The following USP42 variants were observed in gnomAD, a reference collection of about 807,000 sequenced individuals.
The protein encoded by USP42 is ubiquitin specific peptidase 42.
USP42 carries 23 observed loss-of-function variants against 113.0 expected under a neutral mutation model. The observed-to-expected ratio is 0.20, with a 90% confidence interval of 0.15 to 0.29. The LOEUF (loss-of-function observed/expected upper bound fraction) is 0.29, where lower values mean the gene tolerates loss of function less well. USP42 is among the 10% of genes least tolerant of loss of function. USP42 has a pLI of 1.00. For missense variants in USP42, 2,174 were observed against 1,779.8 expected, an observed-to-expected ratio of 1.22 and a Z score of -3.99; for synonymous variants, 933 against 699.0, an observed-to-expected ratio of 1.33 and a Z score of -5.28.
intron 7 of USP42, 75 bp from the exon 8 acceptor site, chr7:6,142,857 C>A (rs1035332529): frequency 2.1e-6 from 3 of 1,455,472 alleles, no homozygotes; most frequent in Admixed American, 1.7e-5. Flanking sequence ...GCACTCCAGC[C>A]TGGGTGGCAG....
intron 1 of USP42, among the ~76,000 whole-genome samples, chr7:6,107,216 T>G (rs1477135486): frequency 1.3e-5 from 2 of 152,168 alleles, no homozygotes; most frequent in Non-Finnish European, 1.5e-5. Flanking sequence ...CTTAAGAGGC[T>G]TTTGTCCCTT....
chr7:6,123,132 G>A (rs1313122919), intron 3 of USP42, among the ~76,000 whole-genome samples: 1 of 152,016 alleles, frequency 6.6e-6, no homozygotes, highest in African/African-American at 2.4e-5. Context: ...GGCCTGTTAT[G>A]CCCTCTTGAT....
chr7:6,116,087 G>T lies in USP42; in HGVS notation c.442+564G>T, dbSNP rs925362136. ...CTGCTGTACTTCAGCCTAGACAACA[G>T]AAAGAGACCCTGTCTCAAAAAAAAA... On this transcript the variant is annotated intron_variant, in intron 3 of 17. Transcript: ENST00000306177. Among the ~76,000 whole-genome samples the T allele has an allele frequency of 2.4e-4, 31 of 130,304 alleles. 1 individual carries two copies. Among genetic ancestry groups the T allele is most frequent in the Non-Finnish European group, 6.3e-5 (4 of 63,584 alleles). The allele number at this position is 130,304 out of a possible 152,430, so 85.5% of individuals were successfully genotyped here.
Position 6,154,421 on chromosome 7 carries a change from G to A in USP42, c.2867G>A (p.Arg956Gln), listed in dbSNP as rs1470592400. 13 of 1,575,544 alleles carry A rather than the reference G, an allele frequency of 8.3e-6. No individual in the cohort carries two copies. Among genetic ancestry groups the A allele is most frequent in the Non-Finnish European group, 1.0e-5 (12 of 1,162,338 alleles). ...GTGGACCGAGGCCACTACCGCAGCCGGAGAGAGCGCTCGTCCAGCGGGGAG... is the reference window on the plus strand; with the variant it reads ...GTGGACCGAGGCCACTACCGCAGCCAGAGAGAGCGCTCGTCCAGCGGGGAG... The part of the protein sequence containing the change: ...RKVDRGHYRS[R>Q]RERSSSGEPA... Residue 956 changes from arginine to glutamine, a missense_variant, in exon 15 of 18, where the codon CGG becomes CAG. Physicochemically the swap from Arg to Gln is conservative, Grantham distance 43. Transcript: ENST00000306177.
At chr7:6,104,097 C>T (rs535288055), upstream of USP42, among the ~76,000 whole-genome samples, 2 of 151,240 alleles carry the variant, frequency 1.3e-5, no homozygotes, top group Non-Finnish European at 2.9e-5. Flanking sequence ...TTTTTTGAGA[C>T]AGACTCTCGC....
intron 3 of USP42, among the ~76,000 whole-genome samples, chr7:6,122,279 GTT>G (rs55777900): frequency 3.1e-4 from 42 of 133,460 alleles, no homozygotes; most frequent in Non-Finnish European, 3.7e-4. Flanking sequence ...TCATGTGTCA[GTT>G]TTTTTTTTTT....
At chr7:6,148,256 G>A (rs1269987335) in intron 12 of USP42, among the ~76,000 whole-genome samples, 1 of 152,118 alleles carries the variant, frequency 6.6e-6, no homozygotes, top group Admixed American at 6.5e-5. Flanking sequence ...AGGATCACTT[G>A]AGCCCAGGAG....
At chr7:6,127,898 A>G (rs1378823945) in intron 3 of USP42, among the ~76,000 whole-genome samples, 1 of 152,100 alleles carries the variant, frequency 6.6e-6, no homozygotes, top group Non-Finnish European at 1.5e-5. Context: ...TTATTAATGT[A>G]ACCATTCCTG....
chr7:6,105,522 C>T lies in USP42; in HGVS notation c.-10+490C>T, dbSNP rs1463659701. Among the ~76,000 whole-genome samples, 8 of 150,178 alleles carry T rather than the reference C, an allele frequency of 5.3e-5. No homozygotes were observed. In the East Asian group the frequency reaches 1.6e-3, roughly 30 times the overall value. ...CCCGCCCCGGAGCCCCCTCAGAGCC[C>T]CGGGCCGGCCTCCCCGCCCCCACTG... On this transcript the variant is annotated intron_variant, in intron 1 of 17. Transcript: ENST00000306177.
the USP42 span, among the ~76,000 whole-genome samples, chr7:6,083,710 C>A: frequency 6.6e-6 from 1 of 150,652 alleles, no homozygotes; most frequent in Admixed American, 6.6e-5. Context: ...ACAGGAAATA[C>A]ATAGTATTAT....
rs1004188483 is a variant in USP42, at chr7:6,158,623, G to A, written c.3944-827G>A. On this transcript the variant is annotated intron_variant, in intron 16 of 17. Transcript: ENST00000306177. The surrounding 1 kb of genome is among the most constrained non-coding windows in gnomAD (Gnocchi z 4.2). ...CCATGGAGTGCTGGGGAAACAGCCG[G>A]AGATGAGGACAGGCACCAGCACTGC... Among the ~76,000 whole-genome samples the A allele has an allele frequency of 3.3e-5, 5 of 152,244 alleles. No individual in the cohort carries two copies. Among genetic ancestry groups the A allele is most frequent in the African/African-American group, 1.2e-4 (5 of 41,476 alleles).
At chr7:6,118,373 T>C (rs770567359) in intron 3 of USP42, among the ~76,000 whole-genome samples, 3 of 152,072 alleles carry the variant, frequency 2.0e-5, no homozygotes, top group Non-Finnish European at 4.4e-5. Flanking sequence ...AATACAAAAA[T>C]TATCTGGGCT....
chr7:6,125,517 T>G (rs2128490551), intron 3 of USP42, among the ~76,000 whole-genome samples: 1 of 152,282 alleles, frequency 6.6e-6, no homozygotes, highest in South Asian at 2.1e-4. Context: ...ATATTCTGCT[T>G]CTCGTGAAGT....
In USP42 at chr7:6,150,289, G is replaced by T; in HGVS notation, c.2093G>T (p.Gly698Val). 6.2e-7 allele frequency: 1 copy of T among 1,613,100 alleles called. No individual in the cohort carries two copies. The highest frequency in any genetic ancestry group is 8.5e-7 in the Non-Finnish European group (1 of 1,179,614). The change falls in exon 13 of 18, where the codon GGT becomes GTT. Residue 698 changes from glycine to valine, a missense_variant. Gly to Val is a moderately radical substitution (Grantham distance 109). Transcript: ENST00000306177. ...GAAAATCCCTTTGCTAAGGCAAACG[G>T]TCTTCCTGGAAAGGTGAGTGCACGT... Reference protein sequence around the residue: ...HSENPFAKANGLPGKLMPAPL... With the variant: ...HSENPFAKANVLPGKLMPAPL...
chr7:6,138,955 T>C lies in USP42; in HGVS notation c.554-137T>C, dbSNP rs1173659498. 2.2e-5 allele frequency: 13 copies of C among 589,614 alleles called. No homozygotes were observed. In the Admixed American group the frequency reaches 3.9e-4, roughly 18 times the overall value. 36.5% of individuals were successfully genotyped at this position (589,614 alleles called of 1,614,324 possible). A position where few individuals can be genotyped will look rare whatever the true frequency, so the allele number is the denominator to read the frequency against. On this transcript the variant is annotated intron_variant, in intron 4 of 17. Transcript: ENST00000306177. ...GCTTATAGCTTATATTAGTGGCTTA[T>C]GTTAGTGCTATTTCCTCATAAAGTA... is the stretch of plus-strand genomic sequence containing the variant.
At chr7:6,095,851 C>T in the USP42 span, among the ~76,000 whole-genome samples, 1 of 150,948 alleles carries the variant, frequency 6.6e-6, no homozygotes, top group Non-Finnish European at 1.5e-5. Context: ...CAGTCTACAC[C>T]TCCCAGGCTC....
chr7:6,155,043 A>G lies in USP42; in HGVS notation c.3489A>G (p.Arg1163=). The part of the protein sequence containing the change: ...EHENGKSRKR[R]HDSVENSDSH... The stretch of plus-strand genomic sequence containing the variant: ...AAAATGGAAAGTCCCGGAAACGGAG[A>G]CACGACAGTGTGGAGAACAGTGACA... Residue 1163 remains arginine, a synonymous_variant, in exon 15 of 18, where the codon AGA becomes AGG. Coordinates refer to ENST00000306177, the MANE Select transcript of USP42 (RefSeq NM_032172.3). The G allele has an allele frequency of 6.4e-7, 1 of 1,563,498 alleles. No homozygotes were observed. The highest frequency in any genetic ancestry group is 8.7e-7 in the Non-Finnish European group (1 of 1,153,826).
At chr7:6,151,536 C>A (rs1007187728) in intron 14 of USP42, among the ~76,000 whole-genome samples, 1 of 152,222 alleles carries the variant, frequency 6.6e-6, no homozygotes, top group Admixed American at 6.5e-5. Context: ...CTCCCAAGTT[C>A]AAGCAATTCT....
intron 1 of USP42, among the ~76,000 whole-genome samples, chr7:6,105,292 G>T (rs1779203363): frequency 6.8e-6 from 1 of 146,868 alleles, no homozygotes; most frequent in Non-Finnish European, 1.5e-5. Context: ...CACCGGGGTA[G>T]CCGGGCTGCG....
Sources: gnomAD v4.1 joint callset for allele counts (sites outside exome capture counted in the v4.1 genomes callset) on GRCh38, gnomAD v4.1.1 for gene constraint, Gnocchi (gnomAD v3.1) non-coding constraint, MANE v1.5 for transcripts, NCBI Gene and HGNC (gene_info 2026-07-23, HGNC 2026-07-21) for gene names.